Variants in MYO16 observed in about 807,000 individuals in gnomAD.
The protein encoded by MYO16 is myosin XVI.
MYO16 carries 94 observed loss-of-function variants against 205.3 expected under a neutral mutation model. The observed-to-expected ratio is 0.46, with a 90% CI of 0.39 to 0.54. MYO16 has a LOEUF of 0.54. Ranked by LOEUF, MYO16 falls within the 20% of genes least tolerant of loss-of-function variation. The pLI is 0.00. For missense variants in MYO16, 2,315 were observed against 2,387.5 expected (o/e 0.97, Z 0.63); for synonymous variants, 988 against 954.0 (o/e 1.04, Z -0.66).
chr13:109,026,370 CG>C (rs1304483608), intron 23 of MYO16, among the ~76,000 whole-genome samples: 1 of 151,860 alleles, frequency 6.6e-6, no homozygotes, highest in Non-Finnish European at 1.5e-5. Flanking sequence ...CATGTGACCA[CG>C]GGGGGAGGTA....
intron 32 of MYO16, among the ~76,000 whole-genome samples, chr13:109,152,020 A>T (rs577947718): frequency 6.6e-6 from 1 of 152,358 alleles, no homozygotes; most frequent in East Asian, 1.9e-4. Flanking sequence ...GGTGGCCTCC[A>T]TCGTACTTCT....
At chr13:109,151,729 T>G (rs11620055) in intron 32 of MYO16, among the ~76,000 whole-genome samples, 8,492 of 152,298 alleles carry the variant, frequency 0.056, 294 homozygotes, top group Non-Finnish European at 0.068. Context: ...TATTTTCCTT[T>G]TATGTGAAAA....
intron 21 of MYO16, among the ~76,000 whole-genome samples, chr13:108,997,554 A>T (rs2139452501): frequency 6.6e-6 from 1 of 152,144 alleles, no homozygotes; most frequent in Non-Finnish European, 1.5e-5. Flanking sequence ...ATTGTGATAC[A>T]TAGGCCGGGC....
intron 8 of MYO16, 126 bp downstream of exon 8, chr13:108,820,538 A>G (rs7994148): frequency 0.31 from 228,395 of 748,280 alleles, 40,178 homozygotes; most frequent in East Asian, 0.75. Flanking sequence ...CTGTGTAACA[A>G]CCAGCCCAGT....
the MYO16 span, among the ~76,000 whole-genome samples, chr13:108,501,317 C>T: frequency 6.6e-6 from 1 of 152,172 alleles, no homozygotes; most frequent in Non-Finnish European, 1.5e-5. Context: ...CTAGCTTCAA[C>T]AGCTCCCTGA....
At chr13:108,601,934 C>A (rs1215140296) in intron 1 of MYO16, among the ~76,000 whole-genome samples, 5 of 151,798 alleles carry the variant, frequency 3.3e-5, no homozygotes, top group Admixed American at 6.6e-5. Context: ...TGTGACGCAA[C>A]CAAATTCATA....
At chr13:108,885,009 G>A (rs991501220) in intron 13 of MYO16, among the ~76,000 whole-genome samples, 5 of 145,614 alleles carry the variant, frequency 3.4e-5, no homozygotes, top group African/African-American at 5.1e-5. Flanking sequence ...AGAGAAAGAC[G>A]CTGAGACGGG....
At chr13:108,748,575 C>T (rs936558860) in intron 4 of MYO16, among the ~76,000 whole-genome samples, 1 of 151,872 alleles carries the variant, frequency 6.6e-6, no homozygotes, top group Non-Finnish European at 1.5e-5. Flanking sequence ...ATTAAAAATG[C>T]TTATTATAAG....
chr13:108,691,393 T>C (rs752975055), intron 2 of MYO16, among the ~76,000 whole-genome samples: 2 of 151,284 alleles, frequency 1.3e-5, no homozygotes, highest in South Asian at 4.2e-4. Context: ...GGTGTAGGGG[T>C]GTGTGTCTGT....
At position 108,629,665 on chromosome 13, in the gene MYO16, G is replaced by A. The variant is rs140532213; in HGVS notation, c.-180G>A. The A allele has an allele frequency of 7.1e-5, 39 of 549,534 alleles. No homozygotes were observed. The East Asian group carries it at 8.1e-4, about 11-fold the overall frequency. The allele number at this position is 549,534 out of a possible 1,614,324, so 34.0% of individuals were successfully genotyped here. A position where few individuals can be genotyped will look rare whatever the true frequency, so the allele number is the denominator to read the frequency against. On this transcript the variant is annotated 5_prime_UTR_variant, in exon 1 of 35. Transcript: ENST00000457511. ...GAGGCTTATCTTAACTCCAGCTGCC[G>A]AATGAGAATGAGTTTGAAGCTTTTT...
chr13:108,587,678 A>AT, the MYO16 span, among the ~76,000 whole-genome samples: 5 of 152,192 alleles, frequency 3.3e-5, no homozygotes, highest in East Asian at 7.7e-4. Context: ...CATATGTAAT[A>AT]TTTTTCCACC....
intron 27 of MYO16, among the ~76,000 whole-genome samples, chr13:109,082,606 G>A (rs1268827460): frequency 5.9e-5 from 9 of 152,112 alleles, no homozygotes; most frequent in Admixed American, 2.0e-4. Flanking sequence ...AGACTAAGGC[G>A]AGTGGATCAC....
At chr13:108,585,479 C>G in the MYO16 span, among the ~76,000 whole-genome samples, 34 of 152,214 alleles carry the variant, frequency 2.2e-4, no homozygotes, top group African/African-American at 7.9e-4. Context: ...CAGCAGACCT[C>G]AGAGAGAGCA....
chr13:108,566,639 G>C, the MYO16 span, among the ~76,000 whole-genome samples: 8 of 141,296 alleles, frequency 5.7e-5, no homozygotes, highest in Admixed American at 2.9e-4. Context: ...AAGAAAGAAA[G>C]AAAAGAAAAG....
intron 2 of MYO16, among the ~76,000 whole-genome samples, chr13:108,679,668 C>T (rs1882375134): frequency 6.7e-6 from 1 of 150,328 alleles, no homozygotes; most frequent in Non-Finnish European, 1.5e-5. Flanking sequence ...CCATTCTTCT[C>T]TCTCTAATGA....
At chr13:108,749,510 C>A (rs1421892214) in intron 4 of MYO16, among the ~76,000 whole-genome samples, 1 of 152,088 alleles carries the variant, frequency 6.6e-6, no homozygotes, top group African/African-American at 2.4e-5. Context: ...ATAAGCATAC[C>A]AAAAGATGCT....
chr13:109,133,958 T>C (rs936178571), intron 31 of MYO16, among the ~76,000 whole-genome samples: 4 of 152,200 alleles, frequency 2.6e-5, no homozygotes, highest in African/African-American at 9.6e-5. Flanking sequence ...TTAATTGTTA[T>C]GGAGTAGAAC....
rs529613774 is a variant in MYO16, at chr13:108,864,697, TA to T, written c.1360-1469del. The stretch of plus-strand genomic sequence containing the variant: ...GCATGCACCACCATGCCCAGATAAT[TA>T]AAAAAAAAAATTGTAGAGATAGCAT... On this transcript the variant is annotated intron_variant, in intron 11 of 34. Coordinates refer to ENST00000457511, the MANE Select transcript of MYO16 (RefSeq NM_001198950.3). Among the ~76,000 whole-genome samples, 727 of 147,234 alleles carry T rather than the reference TA, an allele frequency of 4.9e-3. 2 individuals are homozygous for T. The highest frequency in any genetic ancestry group is 0.015 in the African/African-American group (605 of 40,230).
chr13:108,868,108 T>C (rs769761210), intron 12 of MYO16, among the ~76,000 whole-genome samples: 2 of 151,598 alleles, frequency 1.3e-5, no homozygotes, highest in East Asian at 1.9e-4. Flanking sequence ...AGAATATTAC[T>C]GCTATGAACA....
Sources: allele counts gnomAD v4.1 joint callset (sites outside exome capture counted in the v4.1 genomes callset), GRCh38; gene constraint gnomAD v4.1.1; transcripts MANE v1.5; gene names NCBI Gene and HGNC (gene_info 2026-07-23, HGNC 2026-07-21).